The following ORC1 variants were observed in gnomAD, a reference collection of about 807,000 sequenced individuals.
ORC1 encodes origin recognition complex, subunit 1 homolog.
A neutral mutation model predicts 98.9 loss-of-function variants in ORC1; 61 were observed. The observed-to-expected ratio is 0.62, with a 90% CI of 0.50 to 0.76. The LOEUF (loss-of-function observed/expected upper bound fraction) is 0.76, where lower values mean the gene tolerates loss of function less well. ORC1 is among the 30% of genes least tolerant of loss of function. The probability of loss-of-function intolerance (pLI) is 0.00; values close to 1 mark genes in which losing one functional copy is unlikely to be tolerated. For synonymous variants in ORC1, 385 were observed against 406.9 expected, an observed-to-expected ratio of 0.95 and a Z score of 0.65; for missense variants, 979 against 1,072.2, an observed-to-expected ratio of 0.91 and a Z score of 1.21.
chr1:52,400,149 A>G (rs1647634110), intron 3 of ORC1, among the ~76,000 whole-genome samples: 1 of 152,156 alleles, frequency 6.6e-6, no homozygotes, highest in South Asian at 2.1e-4. Flanking sequence ...TGTCAAAGAG[A>G]AAGTATGTCC....
intron 14 of ORC1, among the ~76,000 whole-genome samples, chr1:52,379,911 G>A (rs752369318): frequency 7.9e-5 from 12 of 152,006 alleles, no homozygotes; most frequent in Non-Finnish European, 1.8e-4. Flanking sequence ...CCAGCCTGGC[G>A]ACAGAGTGAG....
chr1:52,406,482 G>A (rs1057124515), upstream of ORC1, among the ~76,000 whole-genome samples: 1 of 152,188 alleles, frequency 6.6e-6, no homozygotes, highest in Non-Finnish European at 1.5e-5. Context: ...TGGTTAAGAG[G>A]TGTAAGATCT....
upstream of ORC1, chr1:52,409,050 T>C (rs922111185): frequency 2.1e-5 from 4 of 194,458 alleles, no homozygotes; most frequent in South Asian, 9.6e-5. Flanking sequence ...TTCCATATTT[T>C]ACATCTTCAC....
intron 8 of ORC1, 45 bp downstream of exon 8, chr1:52,388,397 A>C: frequency 6.7e-7 from 1 of 1,501,476 alleles, no homozygotes; most frequent in Non-Finnish European, 9.3e-7. Flanking sequence ...CTTTTAAACT[A>C]AGAGAGGGAT....
chr1:52,383,640 A>G (rs1214422842), intron 12 of ORC1, 71 bp from the exon 13 acceptor site: 1 of 1,532,398 alleles, frequency 6.5e-7, no homozygotes, highest in Non-Finnish European at 9.0e-7. Context: ...ATGAAGACCT[A>G]TAACCACTGC....
upstream of ORC1, chr1:52,408,793 T>A (rs1648070007): frequency 1.5e-6 from 2 of 1,355,382 alleles, no homozygotes; most frequent in African/African-American, 2.9e-5. Context: ...ATGCTCCTTT[T>A]CATCTACATT....
At chr1:52,375,763 T>TA (rs1386714299) in intron 14 of ORC1, among the ~76,000 whole-genome samples, 164 bp from the exon 15 acceptor site, 2 of 152,240 alleles carry the variant, frequency 1.3e-5, no homozygotes, top group Non-Finnish European at 2.9e-5. Flanking sequence ...CATGGGACTC[T>TA]AATCCTCTAG....
At chr1:52,377,288 TGTTTGAGAGAGG>T (rs1647006304) in intron 14 of ORC1, among the ~76,000 whole-genome samples, 1 of 151,850 alleles carries the variant, frequency 6.6e-6, no homozygotes, top group Non-Finnish European at 1.5e-5. Flanking sequence ...TTGGTTTTTT[TGTTTGAGAGAGG>T]GTCTTGCTCT....
In ORC1 at chr1:52,395,584, G is replaced by A. The variant is rs140955823; in HGVS notation, c.721+462C>T. The stretch of plus-strand genomic sequence containing the variant: ...TCCCAGCACTTTGGGAGGCCAAGGC[G>A]GGTGGATCACTTGAGCCCAGGACTT... On this transcript the variant is annotated intron_variant, in intron 5 of 16. Coordinates refer to ENST00000371568, the MANE Select transcript of ORC1 (RefSeq NM_004153.4). Among the ~76,000 whole-genome samples the A allele has an allele frequency of 8.4e-3, 1,285 of 152,304 alleles. 18 individuals carry two copies. The highest frequency in any genetic ancestry group is 0.029 in the African/African-American group (1,225 of 41,566).
chr1:52,402,260 G>C, intron 1 of ORC1, 32 bp from the exon 2 acceptor site: 1 of 1,498,718 alleles, frequency 6.7e-7, no homozygotes, highest in Non-Finnish European at 9.3e-7. Flanking sequence ...GAGTTACCAT[G>C]ATAAATATTT....
At chr1:52,407,857 A>G (rs1648040938), upstream of ORC1, among the ~76,000 whole-genome samples, 1 of 152,236 alleles carries the variant, frequency 6.6e-6, no homozygotes, top group Non-Finnish European at 1.5e-5. Flanking sequence ...GGAGTTTGAG[A>G]CTAGCCTGGC....
In ORC1 at chr1:52,372,974, T is replaced by C; in HGVS notation, c.*207A>G. 2 of 597,310 alleles carry C rather than the reference T, an allele frequency of 3.3e-6. No individual in the cohort carries two copies. The highest frequency in any genetic ancestry group is 3.6e-5 in the South Asian group (2 of 55,874). The allele number at this position is 597,310 out of a possible 1,614,324, so 37.0% of individuals were successfully genotyped here. On this transcript the variant is annotated 3_prime_UTR_variant, in exon 17 of 17. Transcript: ENST00000371568. ...TGGCAACATGGTGAAGCCCTGTCTC[T>C]ACAAAAAATCAGCTGGGCATGGTGG...
chr1:52,375,123 G>C (rs1027629934), intron 15 of ORC1, among the ~76,000 whole-genome samples: 1 of 152,038 alleles, frequency 6.6e-6, no homozygotes, highest in Non-Finnish European at 1.5e-5. Context: ...AAATACACTG[G>C]TCACTCATAA....
Position 52,393,562 on chromosome 1 carries a change from T to G in ORC1, c.963A>C (p.Arg321=). ...SPEHRIILRT[R]IAASKTIDIR... ...TGTCTATGGTTTTCGAAGCTGCAAT[T>G]CGGGTTCTCAGGATTATGCGATGTT... Residue 321 remains arginine, a synonymous_variant, in exon 6 of 17, where the codon CGA becomes CGC. Coordinates refer to ENST00000371568, the MANE Select transcript of ORC1 (RefSeq NM_004153.4). 6.2e-7 allele frequency: 1 copy of G among 1,614,192 alleles called. No homozygotes were observed. Among genetic ancestry groups the G allele is most frequent in the Non-Finnish European group, 8.5e-7 (1 of 1,180,024 alleles).
At chr1:52,401,977 T>A (rs888017489) in intron 2 of ORC1, 152 bp downstream of exon 2, 1 of 725,204 alleles carries the variant, frequency 1.4e-6, no homozygotes, top group Admixed American at 2.1e-5. Context: ...TCCCACCATC[T>A]TCTTGCATCA....
chr1:52,383,768 T>C, intron 12 of ORC1, 62 bp downstream of exon 12: 3 of 1,449,810 alleles, frequency 2.1e-6, no homozygotes, highest in South Asian at 2.3e-5. Flanking sequence ...CTCCCTCCCA[T>C]CCAGCACTTG....
intron 14 of ORC1, among the ~76,000 whole-genome samples, chr1:52,380,967 T>C (rs1647061816): frequency 6.6e-6 from 1 of 152,024 alleles, no homozygotes; most frequent in African/African-American, 2.4e-5. Flanking sequence ...GGGTGAAGAG[T>C]GTGTCGGCAA....
At chr1:52,399,639 AAAAAG>A (rs1394963869) in intron 3 of ORC1, among the ~76,000 whole-genome samples, 7 of 147,920 alleles carry the variant, frequency 4.7e-5, no homozygotes, top group African/African-American at 1.7e-4. Context: ...AAAAAAAAAA[AAAAAG>A]AAAGAAAAAG....
At chr1:52,378,048 T>TA (rs571465726) in intron 14 of ORC1, among the ~76,000 whole-genome samples, 209 of 152,146 alleles carry the variant, frequency 1.4e-3, no homozygotes, top group African/African-American at 4.7e-3. Context: ...GAATCTTTGT[T>TA]AAAAAAACCG....
Sources: allele counts gnomAD v4.1 joint callset (sites outside exome capture counted in the v4.1 genomes callset), GRCh38; gene constraint gnomAD v4.1.1; transcripts MANE v1.5; gene names NCBI Gene and HGNC (gene_info 2026-07-23, HGNC 2026-07-21).